The following ATXN8OS variants were observed in gnomAD, a reference collection of about 807,000 sequenced individuals.
ATXN8OS encodes the protein ATXN8 opposite strand lncRNA, also known as ATXN8 opposite strand (non-protein coding).
intron 3 of ATXN8OS, among the ~76,000 whole-genome samples, chr13:70,137,366 T>C (rs919823022): frequency 6.6e-6 from 1 of 152,184 alleles, no homozygotes; most frequent in African/African-American, 2.4e-5. Context: ...CACCTCTTAT[T>C]GGTTCAGCTT....
intron 3 of ATXN8OS, among the ~76,000 whole-genome samples, chr13:70,132,193 A>G (rs1888543481): frequency 6.6e-6 from 1 of 152,138 alleles, no homozygotes; most frequent in South Asian, 2.1e-4. Flanking sequence ...GACTATTCAC[A>G]ATAGCAAAGA....
chr13:70,114,385 A>C (rs1177181176), intron 1 of ATXN8OS, among the ~76,000 whole-genome samples: 1 of 152,188 alleles, frequency 6.6e-6, no homozygotes, highest in Non-Finnish European at 1.5e-5. Flanking sequence ...CATGGACTTC[A>C]CACAATAATA....
chr13:70,117,619 T>G (rs879809725), intron 2 of ATXN8OS, among the ~76,000 whole-genome samples: 2 of 152,116 alleles, frequency 1.3e-5, no homozygotes, highest in Non-Finnish European at 2.9e-5. Flanking sequence ...CGTCACAGGC[T>G]TTGAAATCAA....
intron 4 of ATXN8OS, among the ~76,000 whole-genome samples, chr13:70,165,986 C>G (rs1282584287): frequency 1.3e-5 from 2 of 151,910 alleles, no homozygotes; most frequent in African/African-American, 4.8e-5. Context: ...AACACATTTT[C>G]CTTTGATTGT....
chr13:70,135,571 T>C (rs1312225043), intron 3 of ATXN8OS, among the ~76,000 whole-genome samples: 2 of 152,184 alleles, frequency 1.3e-5, no homozygotes, highest in African/African-American at 4.8e-5. Context: ...CTCATGATTC[T>C]GCTTCCTACT....
At chr13:70,147,644 G>A (rs555191561) in intron 4 of ATXN8OS, among the ~76,000 whole-genome samples, 1 of 152,246 alleles carries the variant, frequency 6.6e-6, no homozygotes, top group Admixed American at 6.5e-5. Flanking sequence ...CATTAATCCA[G>A]ATTTTAAATA....
intron 3 of ATXN8OS, among the ~76,000 whole-genome samples, chr13:70,140,533 C>CACACA (rs71196274): frequency 2.8e-3 from 379 of 133,044 alleles, no homozygotes; most frequent in African/African-American, 9.7e-3. Flanking sequence ...CACACACACA[C>CACACA]AAAAAAAAAA....
At chr13:70,109,124 C>T (rs1380015962) in intron 1 of ATXN8OS, among the ~76,000 whole-genome samples, 2 of 152,200 alleles carry the variant, frequency 1.3e-5, no homozygotes, top group Non-Finnish European at 2.9e-5. Context: ...GTATACTATG[C>T]ATGGAAGAGT....
chr13:70,124,728 G>A (rs943945556), intron 2 of ATXN8OS, among the ~76,000 whole-genome samples: 10 of 151,638 alleles, frequency 6.6e-5, no homozygotes, highest in African/African-American at 1.9e-4. Context: ...CCCAAGCCTC[G>A]CCAATCAATT....
chr13:70,147,589 T>A (rs1420378056), intron 4 of ATXN8OS, among the ~76,000 whole-genome samples: 2 of 152,160 alleles, frequency 1.3e-5, no homozygotes, highest in Admixed American at 1.3e-4. Flanking sequence ...TGAATCAAAT[T>A]GATTTACTCA....
At chr13:70,141,466 C>T (rs1268950097) in intron 3 of ATXN8OS, among the ~76,000 whole-genome samples, 2 of 152,034 alleles carry the variant, frequency 1.3e-5, no homozygotes, top group Non-Finnish European at 2.9e-5. Context: ...ATTTTTGGAA[C>T]ATCATTATTT....
exon 5 of ATXN8OS, among the ~76,000 whole-genome samples, chr13:70,169,945 C>T (rs1047858161): frequency 6.6e-6 from 1 of 152,070 alleles, no homozygotes; most frequent in African/African-American, 2.4e-5. Context: ...GCTTCTTCTG[C>T]CCAAACCTGA....
intron 1 of ATXN8OS, chr13:70,108,102 C>T (rs969966366): frequency 7.2e-6 from 3 of 413,852 alleles, no homozygotes; most frequent in Non-Finnish European, 1.3e-5. Context: ...CAGCTGGATA[C>T]ACCTCACTGG....
At chr13:70,150,186 A>G (rs1888843336) in intron 4 of ATXN8OS, among the ~76,000 whole-genome samples, 1 of 152,072 alleles carries the variant, frequency 6.6e-6, no homozygotes, top group Non-Finnish European at 1.5e-5. Flanking sequence ...ATATTCAATG[A>G]AGTTACTCCT....
At chr13:70,169,470 A>G (rs1473959048) in intron 4 of ATXN8OS, among the ~76,000 whole-genome samples, 1 of 151,824 alleles carries the variant, frequency 6.6e-6, no homozygotes, top group Non-Finnish European at 1.5e-5. Flanking sequence ...TAATTTTTGT[A>G]TTTTTTGTAG....
At chr13:70,118,953 C>A (rs933564523) in intron 2 of ATXN8OS, among the ~76,000 whole-genome samples, 3 of 151,490 alleles carry the variant, frequency 2.0e-5, no homozygotes, top group Admixed American at 2.0e-4. Flanking sequence ...CTATAGATTT[C>A]TGGCACTCAA....
intron 4 of ATXN8OS, among the ~76,000 whole-genome samples, chr13:70,162,142 T>C (rs189064958): frequency 9.9e-5 from 15 of 152,102 alleles, no homozygotes; most frequent in African/African-American, 2.9e-4. Context: ...TATTTATGAG[T>C]ATAACCTCTA....
intron 2 of ATXN8OS, among the ~76,000 whole-genome samples, chr13:70,116,179 C>T (rs563856039): frequency 6.8e-6 from 1 of 147,174 alleles, no homozygotes; most frequent in African/African-American, 2.5e-5. Flanking sequence ...AAAAGTAGAC[C>T]AAAATCTGTG....
At chr13:70,163,405 A>G (rs1474311989) in intron 4 of ATXN8OS, among the ~76,000 whole-genome samples, 2 of 151,934 alleles carry the variant, frequency 1.3e-5, no homozygotes, top group Non-Finnish European at 1.5e-5. Context: ...ATTTTCCCAT[A>G]TGTCCACCCC....
Sources: gnomAD v4.1 joint callset for allele counts (sites outside exome capture counted in the v4.1 genomes callset) on GRCh38, gnomAD v4.1.1 for gene constraint, MANE v1.5 for transcripts, NCBI Gene and HGNC (gene_info 2026-07-23, HGNC 2026-07-21) for gene names.